MRTFB: variants seen among roughly 807,000 people sequenced by gnomAD.
MRTFB encodes the protein myocardin related transcription factor B, also known as myocardin-related transcription factor B.
Under a neutral mutation model 104.2 loss-of-function variants are expected in MRTFB, and 29 were observed. The observed-to-expected ratio is 0.28, with a 90% CI of 0.21 to 0.38. MRTFB has a LOEUF of 0.38. MRTFB is among the 10% of genes least tolerant of loss of function. The pLI is 1.00. For missense variants in MRTFB, 1,270 were observed against 1,341.6 expected (o/e 0.95, Z 0.83); for synonymous variants, 535 against 519.5 (o/e 1.03, Z -0.41).
chr16:14,141,108 C>A, intron 3 of MRTFB: 1 of 200,886 alleles, frequency 5.0e-6, no homozygotes, highest in Admixed American at 5.4e-5. Context: ...CTGCATTCTC[C>A]TCCCACTTTC....
chr16:14,223,840 A>T (rs2041867619), intron 8 of MRTFB, among the ~76,000 whole-genome samples: 1 of 152,362 alleles, frequency 6.6e-6, no homozygotes, highest in Middle Eastern at 3.4e-3. Flanking sequence ...AGGAGGAAAG[A>T]CATGGATATA....
At chr16:14,137,728 G>A (rs1253028994) in intron 2 of MRTFB, among the ~76,000 whole-genome samples, 1 of 151,984 alleles carries the variant, frequency 6.6e-6, no homozygotes, top group African/African-American at 2.4e-5. Context: ...CAGGCTTCTT[G>A]GAATTCCTGT....
intron 2 of MRTFB, among the ~76,000 whole-genome samples, chr16:14,089,531 G>A (rs964606536): frequency 2.6e-5 from 4 of 152,150 alleles, no homozygotes; most frequent in African/African-American, 9.7e-5. Flanking sequence ...TTCATCAGTT[G>A]ATGGACATTG....
chr16:14,050,724 C>T, the MRTFB span, among the ~76,000 whole-genome samples: 12 of 152,260 alleles, frequency 7.9e-5, 1 homozygote, highest in South Asian at 2.5e-3. Context: ...CTCTTCAGTC[C>T]AATAAAATAA....
chr16:14,186,280 G>A (rs2039949703), intron 3 of MRTFB, among the ~76,000 whole-genome samples: 1 of 152,224 alleles, frequency 6.6e-6, no homozygotes. Flanking sequence ...ATTCACATAT[G>A]CTGGTAGCAT....
At chr16:14,017,617 ATATATATATATATATATATATATG>A in the MRTFB span, among the ~76,000 whole-genome samples, 4 of 85,858 alleles carry the variant, frequency 4.7e-5, no homozygotes, top group Admixed American at 3.3e-4. Context: ...ATATATATAT[ATATATATATATATATATATATATG>A]TATATATGTG....
In MRTFB at chr16:14,136,061, A is replaced by G. The variant is rs987722472; in HGVS notation, c.-63-4483A>G. Among the ~76,000 whole-genome samples, 19 of 152,192 alleles carry G rather than the reference A, an allele frequency of 1.2e-4. 1 individual carries two copies. The highest frequency in any genetic ancestry group is 5.9e-4 in the Admixed American group (9 of 15,274). On this transcript the variant is annotated intron_variant, in intron 2 of 16. Coordinates refer to ENST00000571589, the MANE Select transcript of MRTFB (RefSeq NM_001308142.2). ...CGAAGCGGGTGGATCACTTGAGGTCAGGAGTTCGAGACAAGCCTGGCCAAC... is the reference window on the plus strand; with the variant it reads ...CGAAGCGGGTGGATCACTTGAGGTCGGGAGTTCGAGACAAGCCTGGCCAAC...
At chr16:14,050,959 C>T in the MRTFB span, among the ~76,000 whole-genome samples, 1 of 152,174 alleles carries the variant, frequency 6.6e-6, no homozygotes, top group Non-Finnish European at 1.5e-5. Flanking sequence ...GCTCTACTTC[C>T]TCCTGTCTCG....
rs546256701 is a variant in MRTFB, at chr16:14,140,552, A to G, written c.-55A>G. 1.6e-3 allele frequency: 2,576 copies of G among 1,602,434 alleles called. 5 individuals are homozygous for G. Among genetic ancestry groups the G allele is most frequent in the Non-Finnish European group, 2.0e-3 (2,378 of 1,171,964 alleles). On this transcript the variant is annotated 5_prime_UTR_variant, in exon 3 of 17. Coordinates refer to ENST00000571589, the MANE Select transcript of MRTFB (RefSeq NM_001308142.2). ...ATTCTTTATTTTGGCAGTGTCTTCA[A>G]TAGGCCGTGTTTAAGAGGCGTCTTA...
At chr16:14,090,830 C>G (rs2035012655) in intron 2 of MRTFB, among the ~76,000 whole-genome samples, 1 of 151,486 alleles carries the variant, frequency 6.6e-6, no homozygotes, top group African/African-American at 2.4e-5. Context: ...AAAGTGAGCC[C>G]AAAGAAAACC....
chr16:14,048,784 T>C, the MRTFB span, among the ~76,000 whole-genome samples: 1 of 152,192 alleles, frequency 6.6e-6, no homozygotes. Context: ...TTTCTGCCTC[T>C]TGTACATCCA....
At chr16:14,014,632 T>A in the MRTFB span, among the ~76,000 whole-genome samples, 4 of 151,310 alleles carry the variant, frequency 2.6e-5, no homozygotes, top group African/African-American at 9.7e-5. Context: ...GACAGGTGGA[T>A]CACCTGAGGT....
At chr16:14,168,178 C>G (rs1333350047) in intron 3 of MRTFB, among the ~76,000 whole-genome samples, 1 of 151,752 alleles carries the variant, frequency 6.6e-6, no homozygotes, top group East Asian at 1.9e-4. Context: ...GTTCTGTATT[C>G]TGTTCCATTG....
In MRTFB at chr16:14,266,432, A is replaced by C. The variant is rs1041637343; in HGVS notation, c.*4988A>C. On this transcript the variant is annotated 3_prime_UTR_variant, in exon 17 of 17. Transcript: ENST00000571589. Reference sequence around the variant, plus strand: ...TTATGAAAAAAAGGAGAAAGATACCAATCTACAGAGCCCTGCTTGTTGAAG... The same window carrying C: ...TTATGAAAAAAAGGAGAAAGATACCCATCTACAGAGCCCTGCTTGTTGAAG... 6.6e-6 allele frequency: 1 copy of C among 152,240 alleles called. No individual in the cohort carries two copies. Among genetic ancestry groups the C allele is most frequent in the Non-Finnish European group, 1.5e-5 (1 of 68,046 alleles). The allele number at this position is 152,240 out of a possible 1,614,324, so 9.4% of individuals were successfully genotyped here.
At chr16:14,229,996 A>C (rs2042184691) in intron 8 of MRTFB, among the ~76,000 whole-genome samples, 1 of 152,176 alleles carries the variant, frequency 6.6e-6, no homozygotes, top group Non-Finnish European at 1.5e-5. Context: ...GCAGCAATTT[A>C]AACCTATTTA....
the MRTFB span, among the ~76,000 whole-genome samples, chr16:14,019,673 C>A: frequency 1.3e-5 from 2 of 152,138 alleles, no homozygotes; most frequent in Non-Finnish European, 2.9e-5. Flanking sequence ...GTGAGTTGGC[C>A]CAGTGAGTAG....
intron 2 of MRTFB, among the ~76,000 whole-genome samples, chr16:14,092,535 T>C (rs2035141612): frequency 6.6e-6 from 1 of 152,222 alleles, no homozygotes; most frequent in Admixed American, 6.5e-5. Flanking sequence ...CTTTCCTTTT[T>C]TGTCCTGTTT....
chr16:14,074,745 G>C (rs2033934137), intron 1 of MRTFB, among the ~76,000 whole-genome samples: 1 of 152,262 alleles, frequency 6.6e-6, no homozygotes, highest in African/African-American at 2.4e-5. Context: ...TTCAAAGGGT[G>C]ACTTGCAAAA....
At chr16:14,158,844 G>A (rs909281818) in intron 3 of MRTFB, among the ~76,000 whole-genome samples, 3 of 152,052 alleles carry the variant, frequency 2.0e-5, no homozygotes, top group African/African-American at 7.2e-5. Context: ...GTTTATTCAT[G>A]TGGAGAGCTG....
Sources: allele counts gnomAD v4.1 joint callset (sites outside exome capture counted in the v4.1 genomes callset), GRCh38; gene constraint gnomAD v4.1.1; transcripts MANE v1.5; gene names NCBI Gene and HGNC (gene_info 2026-07-23, HGNC 2026-07-21).